The following ACVR1C variants were observed in gnomAD, a reference collection of about 807,000 sequenced individuals.
The protein encoded by ACVR1C is activin A receptor type 1C.
A neutral mutation model predicts 57.9 loss-of-function variants in ACVR1C; 23 were observed. The ratio of observed to expected loss-of-function variants is 0.40; its 90% CI spans 0.29 to 0.56. ACVR1C has a LOEUF of 0.56. Ranked by LOEUF, ACVR1C falls within the 20% of genes least tolerant of loss-of-function variation. The pLI is 0.50. For missense variants in ACVR1C, 480 were observed against 607.9 expected, an observed-to-expected ratio of 0.79 and a Z score of 2.21; for synonymous variants, 214 against 215.3, an observed-to-expected ratio of 0.99 and a Z score of 0.05.
chr2:157,545,104 G>C (rs1017242226), intron 4 of ACVR1C, among the ~76,000 whole-genome samples: 1 of 152,110 alleles, frequency 6.6e-6, no homozygotes, highest in African/African-American at 2.4e-5. Flanking sequence ...AAAATATAGA[G>C]TTGATTATTT....
At position 157,628,832 on chromosome 2, in the gene ACVR1C, C is replaced by T; in HGVS notation, c.-188G>A. The T allele has an allele frequency of 5.2e-6, 2 of 385,148 alleles. No homozygotes were observed. The highest frequency in any genetic ancestry group is 9.3e-5 in the Admixed American group (2 of 21,548). The allele number at this position is 385,148 out of a possible 1,614,324, so 23.9% of individuals were successfully genotyped here. On this transcript the variant is annotated 5_prime_UTR_variant, in exon 1 of 9. Transcript: ENST00000243349. ...CCCGGCCGCCCCCATCCCACGCCCC[C>T]TGCGGCTGGCGGTGCGCGGCGCTCC... is the stretch of plus-strand genomic sequence containing the variant.
At chr2:157,588,878 T>TATATAC (rs1318681791) in intron 1 of ACVR1C, among the ~76,000 whole-genome samples, 1 of 139,944 alleles carries the variant, frequency 7.1e-6, no homozygotes, top group Non-Finnish European at 1.5e-5. Flanking sequence ...TATATATATA[T>TATATAC]ACGTGTGTGT....
chr2:157,549,118 G>A (rs1454950880), intron 4 of ACVR1C, among the ~76,000 whole-genome samples: 2 of 152,166 alleles, frequency 1.3e-5, no homozygotes, highest in South Asian at 2.1e-4. Context: ...CACTTTAGGA[G>A]GCCGAGGGGG....
intron 3 of ACVR1C, among the ~76,000 whole-genome samples, chr2:157,555,064 C>T (rs1688063687): frequency 6.7e-6 from 1 of 148,578 alleles, no homozygotes; most frequent in Non-Finnish European, 1.5e-5. Flanking sequence ...GTGAGAAAGG[C>T]TCATTTAGGC....
At chr2:157,536,464 T>C (rs893947484) in intron 8 of ACVR1C, among the ~76,000 whole-genome samples, 4 of 152,172 alleles carry the variant, frequency 2.6e-5, no homozygotes, top group African/African-American at 9.7e-5. Flanking sequence ...TGCTGACTTC[T>C]CAATAGCACT....
At position 157,573,978 on chromosome 2, in the gene ACVR1C, G is replaced by A. The variant is rs528369437; in HGVS notation, c.304+13209C>T. 1.8e-4 allele frequency among the ~76,000 whole-genome samples: 28 copies of A among 152,222 alleles called. No homozygotes were observed. In the South Asian group the frequency reaches 3.9e-3, roughly 21 times the overall value. ...GGGAACTCTAGGCCAGTGGATATAA[G>A]CACAATACATCATGAATGAATGAAA... On this transcript the variant is annotated intron_variant, in intron 2 of 8. Coordinates refer to ENST00000243349, the MANE Select transcript of ACVR1C (RefSeq NM_145259.3).
At chr2:157,583,832 T>C (rs1024192558) in intron 2 of ACVR1C, among the ~76,000 whole-genome samples, 3 of 152,114 alleles carry the variant, frequency 2.0e-5, no homozygotes, top group Non-Finnish European at 4.4e-5. Context: ...AAACTCCACC[T>C]TAACCTCACA....
intron 1 of ACVR1C, among the ~76,000 whole-genome samples, chr2:157,599,592 T>G (rs1166453969): frequency 1.3e-5 from 2 of 152,142 alleles, no homozygotes; most frequent in Non-Finnish European, 2.9e-5. Context: ...TTTGGTCTAT[T>G]TTATAGGACT....
intron 7 of ACVR1C, 110 bp from the exon 8 acceptor site, chr2:157,538,813 G>T: frequency 1.2e-6 from 1 of 841,334 alleles, no homozygotes; most frequent in Non-Finnish European, 1.6e-6. Context: ...CCAGGGAACT[G>T]GAAAGTCAAG....
At chr2:157,606,574 T>G (rs1682402637) in intron 1 of ACVR1C, among the ~76,000 whole-genome samples, 1 of 151,908 alleles carries the variant, frequency 6.6e-6, no homozygotes, top group South Asian at 2.1e-4. Flanking sequence ...ATTTTTTTCA[T>G]ACACCTGTTG....
intron 4 of ACVR1C, among the ~76,000 whole-genome samples, chr2:157,545,002 A>C (rs570622685): frequency 6.6e-6 from 1 of 152,346 alleles, no homozygotes; most frequent in East Asian, 1.9e-4. Context: ...AATTATACCA[A>C]TAAAGATCAG....
At chr2:157,624,936 T>A (rs1302569282) in intron 1 of ACVR1C, among the ~76,000 whole-genome samples, 1 of 152,232 alleles carries the variant, frequency 6.6e-6, no homozygotes, top group Non-Finnish European at 1.5e-5. Context: ...GACACACTTA[T>A]ACTAAAGAGG....
At chr2:157,588,873 ATATATACGTGTGTGTG>A (rs1207606129) in intron 1 of ACVR1C, among the ~76,000 whole-genome samples, 4 of 141,534 alleles carry the variant, frequency 2.8e-5, no homozygotes, top group African/African-American at 1.1e-4. Context: ...ATATATATAT[ATATATACGTGTGTGTG>A]TATATATATA....
intron 1 of ACVR1C, among the ~76,000 whole-genome samples, chr2:157,607,005 G>T (rs1052576807): frequency 6.6e-6 from 1 of 151,626 alleles, no homozygotes; most frequent in Non-Finnish European, 1.5e-5. Flanking sequence ...GAGGACTAGG[G>T]GTCCAGTTTC....
At chr2:157,615,283 GT>G (rs1682616965) in intron 1 of ACVR1C, among the ~76,000 whole-genome samples, 1 of 149,516 alleles carries the variant, frequency 6.7e-6, no homozygotes, top group Non-Finnish European at 1.5e-5. Context: ...CCTGAGCACT[GT>G]AGTGAGACCC....
At chr2:157,575,427 C>G (rs904123070) in intron 2 of ACVR1C, among the ~76,000 whole-genome samples, 1 of 152,220 alleles carries the variant, frequency 6.6e-6, no homozygotes, top group Admixed American at 6.5e-5. Flanking sequence ...GCCACTGCGC[C>G]CAGCCTAATT....
intron 8 of ACVR1C, among the ~76,000 whole-genome samples, chr2:157,535,387 T>C (rs1357780414): frequency 6.6e-6 from 1 of 152,072 alleles, no homozygotes; most frequent in African/African-American, 2.4e-5. Flanking sequence ...ATAGTAGTTT[T>C]GGCCCATAGA....
chr2:157,537,022 A>G (rs1026548722), intron 8 of ACVR1C, among the ~76,000 whole-genome samples: 19 of 152,176 alleles, frequency 1.2e-4, no homozygotes, highest in African/African-American at 4.3e-4. Context: ...TGTATGGAAT[A>G]CTACACAGCA....
chr2:157,582,257 C>A (rs1437895376), intron 2 of ACVR1C, among the ~76,000 whole-genome samples: 1 of 152,078 alleles, frequency 6.6e-6, no homozygotes, highest in African/African-American at 2.4e-5. Flanking sequence ...CCCAGGAGTT[C>A]AAGGCTGCAG....
Sources: gnomAD v4.1 joint callset for allele counts (sites outside exome capture counted in the v4.1 genomes callset) on GRCh38, gnomAD v4.1.1 for gene constraint, MANE v1.5 for transcripts, NCBI Gene and HGNC (gene_info 2026-07-23, HGNC 2026-07-21) for gene names.